Variants in ARL15 observed in about 807,000 individuals in gnomAD.
ARL15 encodes ARF like GTPase 15, also known as ADP-ribosylation factor-like protein 15.
Under a neutral mutation model 25.2 loss-of-function variants are expected in ARL15, and 19 were observed. That is an observed-to-expected ratio of 0.75 (90% CI 0.53 to 1.10). ARL15 has a LOEUF of 1.10. Among genes scored for constraint, ARL15 ranks in the 50% least tolerant of loss-of-function variants. The probability of loss-of-function intolerance (pLI) is 0.00; values close to 1 mark genes in which losing one functional copy is unlikely to be tolerated. For synonymous variants in ARL15, 94 were observed against 86.8 expected (o/e 1.08, Z -0.46); for missense variants, 220 against 246.0 (o/e 0.89, Z 0.71).
intron 4 of ARL15, chr5:53,912,109 T>A (rs1314181517): frequency 6.6e-6 from 1 of 151,950 alleles, no homozygotes; most frequent in African/African-American, 2.4e-5. Flanking sequence ...GTATATGTGT[T>A]GTCAAAGTGA....
chr5:54,071,979 GAAAAAAA>G (rs71989027), intron 4 of ARL15, among the ~76,000 whole-genome samples: 1 of 126,176 alleles, frequency 7.9e-6, no homozygotes, highest in Admixed American at 8.1e-5. Flanking sequence ...CTCAAAAAAA[GAAAAAAA>G]AAAAAAAAAG....
At chr5:53,891,245 A>G (rs947443633) in intron 4 of ARL15, among the ~76,000 whole-genome samples, 12 of 152,192 alleles carry the variant, frequency 7.9e-5, no homozygotes, top group African/African-American at 2.9e-4. Context: ...AGGGGAACAG[A>G]ACAGTCCAGA....
intron 3 of ARL15, among the ~76,000 whole-genome samples, chr5:54,123,259 G>A (rs779669926): frequency 1.3e-5 from 2 of 151,928 alleles, no homozygotes; most frequent in Non-Finnish European, 2.9e-5. Context: ...ACAGGCACCT[G>A]CCACCACACT....
intron 4 of ARL15, among the ~76,000 whole-genome samples, chr5:53,909,701 C>T (rs1187782788): frequency 6.6e-6 from 1 of 152,062 alleles, no homozygotes; most frequent in African/African-American, 2.4e-5. Context: ...AGTGAAACTC[C>T]ATCTCAAAAA....
At chr5:54,025,908 C>A (rs1579712826) in intron 4 of ARL15, among the ~76,000 whole-genome samples, 1 of 152,036 alleles carries the variant, frequency 6.6e-6, no homozygotes, top group Non-Finnish European at 1.5e-5. Context: ...TCTTAAGGTG[C>A]CTCTTTGGGA....
chr5:54,261,571 A>G (rs1757498285), intron 1 of ARL15, among the ~76,000 whole-genome samples: 1 of 151,908 alleles, frequency 6.6e-6, no homozygotes, highest in Admixed American at 6.6e-5. Flanking sequence ...AAAAGAGAGA[A>G]CTTCAGAAGT....
intron 4 of ARL15, among the ~76,000 whole-genome samples, chr5:53,989,483 A>G (rs1375620219): frequency 6.6e-6 from 1 of 152,182 alleles, no homozygotes; most frequent in Non-Finnish European, 1.5e-5. Flanking sequence ...CACCCTGAGC[A>G]TGAGATAGAC....
chr5:53,900,099 A>C (rs1745016450), intron 4 of ARL15, among the ~76,000 whole-genome samples: 3 of 152,220 alleles, frequency 2.0e-5, no homozygotes, highest in Admixed American at 2.0e-4. Flanking sequence ...TGGCCTAAAA[A>C]GATGAAGAGG....
chr5:53,967,915 T>G (rs1747616088), intron 4 of ARL15, among the ~76,000 whole-genome samples: 1 of 152,126 alleles, frequency 6.6e-6, no homozygotes. Flanking sequence ...GAGGACCAAA[T>G]GTAGTACCAA....
intron 4 of ARL15, among the ~76,000 whole-genome samples, chr5:54,081,911 G>A (rs927066067): frequency 2.6e-5 from 4 of 151,880 alleles, no homozygotes; most frequent in Admixed American, 6.6e-5. Flanking sequence ...GGCCAACATA[G>A]CGAAACCCCG....
At position 54,005,865 on chromosome 5, in the gene ARL15, A is replaced by AT. The variant is rs1418547911; in HGVS notation, c.462+107336_462+107337insA. 2.4e-4 allele frequency among the ~76,000 whole-genome samples: 32 copies of AT among 135,888 alleles called. No individual in the cohort carries two copies. The East Asian group carries it at 7.6e-3, about 32-fold the overall frequency. The allele number at this position is 135,888 out of a possible 152,430, so 89.1% of individuals were successfully genotyped here. ...TGACAGAGCGAGACTCCATCTCAAA[A>AT]AAAAAAAACCAAAAAAACCCAAAAA... On this transcript the variant is annotated intron_variant, in intron 4 of 4. Coordinates refer to ENST00000504924, the MANE Select transcript of ARL15 (RefSeq NM_019087.3).
chr5:53,980,498 A>G (rs1221328933), intron 4 of ARL15, among the ~76,000 whole-genome samples: 1 of 152,164 alleles, frequency 6.6e-6, no homozygotes, highest in African/African-American at 2.4e-5. Flanking sequence ...CAGAATACAA[A>G]CACAGTTTTT....
intron 4 of ARL15, among the ~76,000 whole-genome samples, chr5:54,043,931 C>T (rs1366247385): frequency 6.6e-6 from 1 of 151,556 alleles, no homozygotes. Flanking sequence ...GTGGGAGTAT[C>T]GCTTGAACCC....
At chr5:53,944,436 C>T (rs1000125041) in intron 4 of ARL15, among the ~76,000 whole-genome samples, 2 of 151,966 alleles carry the variant, frequency 1.3e-5, no homozygotes, top group African/African-American at 4.8e-5. Flanking sequence ...CACGGTGAAA[C>T]TTCATCTCTA....
At chr5:54,113,490 GA>G in intron 3 of ARL15, 80 bp from the exon 4 acceptor site, 1 of 1,318,972 alleles carries the variant, frequency 7.6e-7, no homozygotes. Context: ...ATTCCTACTG[GA>G]AACCAATGTA....
At chr5:54,016,143 ATC>A (rs1226856010) in intron 4 of ARL15, among the ~76,000 whole-genome samples, 1 of 152,054 alleles carries the variant, frequency 6.6e-6, no homozygotes, top group Non-Finnish European at 1.5e-5. Flanking sequence ...TCTCCTGTTA[ATC>A]TGTCTTCTGT....
chr5:54,286,378 G>A (rs1371048216), intron 1 of ARL15: 2 of 152,140 alleles, frequency 1.3e-5, no homozygotes, highest in Non-Finnish European at 2.9e-5. Flanking sequence ...AATGTCCATG[G>A]ATGGAATATG....
At chr5:54,201,399 C>T (rs541409358) in intron 1 of ARL15, among the ~76,000 whole-genome samples, 2 of 152,054 alleles carry the variant, frequency 1.3e-5, no homozygotes, top group Non-Finnish European at 2.9e-5. Flanking sequence ...GTTAGGCTTC[C>T]GAACCTTCTC....
intron 4 of ARL15, among the ~76,000 whole-genome samples, chr5:53,905,980 C>G (rs2111958523): frequency 6.6e-6 from 1 of 152,216 alleles, no homozygotes; most frequent in Admixed American, 6.5e-5. Flanking sequence ...CTAGTCACAG[C>G]ATCTAATCTT....
Sources: allele counts gnomAD v4.1 joint callset (sites outside exome capture counted in the v4.1 genomes callset), GRCh38; gene constraint gnomAD v4.1.1; transcripts MANE v1.5; gene names NCBI Gene and HGNC (gene_info 2026-07-23, HGNC 2026-07-21).